SEMA5A: variants seen among roughly 807,000 people sequenced by gnomAD.
SEMA5A encodes semaphorin 5A, also known as semaphorin-5A.
A neutral mutation model predicts 135.5 loss-of-function variants in SEMA5A; 55 were observed. The observed-to-expected ratio is 0.41, with a 90% CI of 0.33 to 0.51. The LOEUF (loss-of-function observed/expected upper bound fraction) is 0.51. SEMA5A is among the 20% of genes least tolerant of loss of function. SEMA5A has a pLI of 0.37. For synonymous variants in SEMA5A, 580 were observed against 546.5 expected (o/e 1.06, Z -0.85); for missense variants, 1,290 against 1,419.9 (o/e 0.91, Z 1.47).
intron 8 of SEMA5A, among the ~76,000 whole-genome samples, chr5:9,219,220 G>C (rs930186433): frequency 6.6e-6 from 1 of 152,210 alleles, no homozygotes; most frequent in Non-Finnish European, 1.5e-5. Flanking sequence ...CAGCATTTCA[G>C]ATGAGGAAGG....
chr5:9,532,527 G>T (rs912252283), intron 1 of SEMA5A, among the ~76,000 whole-genome samples: 1 of 150,620 alleles, frequency 6.6e-6, no homozygotes, highest in Non-Finnish European at 1.5e-5. Flanking sequence ...ACCTCAGGTG[G>T]TCCACCCACC....
At chr5:9,202,377 C>CACCT in intron 8 of SEMA5A, 137 bp from the exon 9 acceptor site, 2 of 654,760 alleles carry the variant, frequency 3.1e-6, no homozygotes, top group South Asian at 3.5e-5. Context: ...ATTGGGAGGC[C>CACCT]CCGTGAGCAG....
intron 9 of SEMA5A, among the ~76,000 whole-genome samples, chr5:9,201,367 C>T (rs1054734871): frequency 2.0e-5 from 3 of 152,152 alleles, no homozygotes; most frequent in Non-Finnish European, 4.4e-5. Flanking sequence ...AGGAGTATCT[C>T]CCTGTCCCAC....
At chr5:9,540,466 G>A (rs1021924529) in intron 1 of SEMA5A, among the ~76,000 whole-genome samples, 10 of 151,446 alleles carry the variant, frequency 6.6e-5, no homozygotes, top group African/African-American at 1.7e-4. Context: ...GGCATGTGGC[G>A]GACACCTGTA....
intron 11 of SEMA5A, among the ~76,000 whole-genome samples, chr5:9,165,444 T>A (rs1560980559): frequency 1.3e-5 from 2 of 152,218 alleles, no homozygotes; most frequent in African/African-American, 2.4e-5. Context: ...AAGGTATTTT[T>A]AAAATTATTC....
chr5:9,159,809 C>A (rs1228346044), intron 11 of SEMA5A, among the ~76,000 whole-genome samples: 1 of 152,106 alleles, frequency 6.6e-6, no homozygotes, highest in African/African-American at 2.4e-5. Flanking sequence ...ACCCAAATGC[C>A]CATTAATGAT....
chr5:9,446,962 G>A (rs1332295260), intron 1 of SEMA5A, among the ~76,000 whole-genome samples: 1 of 152,192 alleles, frequency 6.6e-6, no homozygotes, highest in African/African-American at 2.4e-5. Flanking sequence ...AGAAAAAGCT[G>A]AGCTGAGGCA....
chr5:9,318,549 G>T, intron 4 of SEMA5A, 132 bp from the exon 5 acceptor site: 1 of 693,666 alleles, frequency 1.4e-6, no homozygotes, highest in Non-Finnish European at 2.4e-6. Flanking sequence ...AATATGTTCA[G>T]CACTACTTTC....
chr5:9,085,430 G>T (rs1270021422), intron 16 of SEMA5A, among the ~76,000 whole-genome samples: 1 of 152,162 alleles, frequency 6.6e-6, no homozygotes, highest in Non-Finnish European at 1.5e-5. Flanking sequence ...TAAGGACTCG[G>T]TGTCCTGCAT....
chr5:9,473,785 T>A (rs1310117918), intron 1 of SEMA5A, among the ~76,000 whole-genome samples: 1 of 152,092 alleles, frequency 6.6e-6, no homozygotes, highest in East Asian at 1.9e-4. Flanking sequence ...CACACATGCA[T>A]CAGCACGAGG....
intron 8 of SEMA5A, among the ~76,000 whole-genome samples, chr5:9,213,178 C>G (rs1746433237): frequency 6.6e-6 from 1 of 152,202 alleles, no homozygotes; most frequent in Non-Finnish European, 1.5e-5. Flanking sequence ...CTCGTAATAC[C>G]ATTACATTGA....
chr5:9,059,171 C>CTTTT (rs4002250), intron 18 of SEMA5A, among the ~76,000 whole-genome samples: 3 of 145,512 alleles, frequency 2.1e-5, no homozygotes, highest in African/African-American at 5.0e-5. Context: ...ATTTTCTTTT[C>CTTTT]TTTTTTTTTT....
intron 13 of SEMA5A, among the ~76,000 whole-genome samples, chr5:9,126,274 A>T (rs1400790866): frequency 6.6e-6 from 1 of 152,034 alleles, no homozygotes; most frequent in African/African-American, 2.4e-5. Context: ...CCTTAGTTGA[A>T]GGGGGTAAGG....
At chr5:9,453,244 G>A (rs1202597077) in intron 1 of SEMA5A, among the ~76,000 whole-genome samples, 1 of 152,166 alleles carries the variant, frequency 6.6e-6, no homozygotes, top group Non-Finnish European at 1.5e-5. Context: ...CAAAACTTGA[G>A]GCACTTCCCA....
At position 9,122,852 on chromosome 5, in the gene SEMA5A, C is replaced by A; in HGVS notation, c.1600-15G>T. ...AGATTCCTGGTCTAGGAAGCAAAAC[C>A]AAGCAGAGGTGTCAGAAAAGGTTAA... On this transcript the variant is annotated splice_polypyrimidine_tract_variant and intron_variant, in intron 13 of 22. Coordinates refer to ENST00000382496, the MANE Select transcript of SEMA5A (RefSeq NM_003966.3). 1 of 1,575,254 alleles carries A rather than the reference C, an allele frequency of 6.3e-7. No individual in the cohort carries two copies.
At chr5:9,463,556 C>A (rs1759138759) in intron 1 of SEMA5A, among the ~76,000 whole-genome samples, 1 of 151,854 alleles carries the variant, frequency 6.6e-6, no homozygotes, top group African/African-American at 2.4e-5. Context: ...ATAAAGAAGC[C>A]AAAATCTAAA....
intron 11 of SEMA5A, among the ~76,000 whole-genome samples, chr5:9,166,643 T>C (rs1208604610): frequency 7.9e-5 from 12 of 152,222 alleles, no homozygotes; most frequent in Non-Finnish European, 1.6e-4. Context: ...TTTGGCTGCC[T>C]TGCTGAACAA....
rs1002612766 is a variant in SEMA5A at position 9,042,708 on chromosome 5, G to A, written c.*189C>T. 4 of 595,518 alleles carry A rather than the reference G, an allele frequency of 6.7e-6. No individual in the cohort carries two copies. Among genetic ancestry groups the A allele is most frequent in the Non-Finnish European group, 1.1e-5 (4 of 348,808 alleles). The allele number at this position is 595,518 out of a possible 1,614,324, so 36.9% of individuals were successfully genotyped here. A position where few individuals can be genotyped will look rare whatever the true frequency, so the allele number is the denominator to read the frequency against. ...ATTCAACAATGGTCAAGATTTTCACGATGTCTTATTTCAATTTTTGTTGCT... is the reference window on the plus strand; with the variant it reads ...ATTCAACAATGGTCAAGATTTTCACAATGTCTTATTTCAATTTTTGTTGCT... On this transcript the variant is annotated 3_prime_UTR_variant, in exon 23 of 23. Transcript: ENST00000382496.
intron 13 of SEMA5A, among the ~76,000 whole-genome samples, chr5:9,124,294 G>A (rs253660): frequency 0.35 from 52,543 of 151,960 alleles, 12,118 homozygotes; most frequent in East Asian, 0.64. Flanking sequence ...AAGAAGGGAC[G>A]GCTTCTTGCC....
Sources: allele counts gnomAD v4.1 joint callset (sites outside exome capture counted in the v4.1 genomes callset), GRCh38; gene constraint gnomAD v4.1.1; transcripts MANE v1.5; gene names NCBI Gene and HGNC (gene_info 2026-07-23, HGNC 2026-07-21).